The following NUP155 variants were observed in gnomAD, a reference collection of about 807,000 sequenced individuals.
The protein encoded by NUP155 is nucleoporin 155, also known as nuclear pore complex protein Nup155.
NUP155 carries 71 observed loss-of-function variants against 180.4 expected under a neutral mutation model. That is an observed-to-expected ratio of 0.39 (90% CI 0.33 to 0.48). The LOEUF is 0.48. Among genes scored for constraint, NUP155 ranks in the 20% least tolerant of loss-of-function variants. The pLI, the probability that NUP155 is intolerant of heterozygous loss-of-function variation, is 0.91. For synonymous variants in NUP155, 582 were observed against 559.5 expected (o/e 1.04, Z -0.57); for missense variants, 1,553 against 1,648.9 (o/e 0.94, Z 1.01).
At chr5:37,358,251 GGAGGA>G in intron 3 of NUP155, 100 bp from the exon 4 acceptor site, 8 of 833,676 alleles carry the variant, frequency 9.6e-6, no homozygotes, top group Non-Finnish European at 1.4e-5. Flanking sequence ...GTCTGAGGCA[GGAGGA>G]CTGCCTGAGC....
intron 18 of NUP155, 65 bp downstream of exon 18, chr5:37,327,564 A>G: frequency 6.3e-7 from 1 of 1,582,568 alleles, no homozygotes; most frequent in Non-Finnish European, 8.7e-7. Context: ...TTCAGAGTTA[A>G]AAATATTTAA....
intron 4 of NUP155, 88 bp downstream of exon 4, chr5:37,357,993 G>GAA: frequency 1.0e-6 from 1 of 953,824 alleles, no homozygotes; most frequent in South Asian, 1.3e-5. Context: ...ACTCCATCTC[G>GAA]AAAAAAATGT....
chr5:37,300,860 G>A (rs546484948), intron 30 of NUP155, among the ~76,000 whole-genome samples: 3 of 146,952 alleles, frequency 2.0e-5, no homozygotes, highest in Admixed American at 6.9e-5. Context: ...TTGCTCTGTC[G>A]CCCAGGCTCC....
At chr5:37,334,886 G>T (rs1745217997) in intron 12 of NUP155, among the ~76,000 whole-genome samples, 1 of 152,106 alleles carries the variant, frequency 6.6e-6, no homozygotes, top group South Asian at 2.1e-4. Flanking sequence ...CTGGCTCGGC[G>T]AGGTGGCTCA....
At chr5:37,350,875 AC>A (rs1322777019) in intron 6 of NUP155, among the ~76,000 whole-genome samples, 10 of 152,018 alleles carry the variant, frequency 6.6e-5, no homozygotes, top group Admixed American at 6.6e-4. Context: ...CCAAGTGAAA[AC>A]ACATATTTGC....
intron 11 of NUP155, among the ~76,000 whole-genome samples, chr5:37,338,170 T>A (rs1158746529): frequency 6.6e-6 from 1 of 151,260 alleles, no homozygotes; most frequent in African/African-American, 2.4e-5. Flanking sequence ...ATACAAAAAT[T>A]AGCTGGGCAT....
chr5:37,354,830 G>A (rs1581204966), intron 4 of NUP155, among the ~76,000 whole-genome samples: 2 of 151,896 alleles, frequency 1.3e-5, no homozygotes, highest in Non-Finnish European at 2.9e-5. Flanking sequence ...GGTGGCTCAC[G>A]CCTGTAATCT....
chr5:37,301,160 T>C, intron 30 of NUP155: 2 of 364,558 alleles, frequency 5.5e-6, no homozygotes, highest in Non-Finnish European at 5.2e-6. Context: ...GGTTTTGCCA[T>C]GTTGCCCAGG....
rs762488801 is a variant in NUP155, at chr5:37,337,849, A to G, written c.1316T>C (p.Phe439Ser). 8 of 1,612,088 alleles carry G rather than the reference A, an allele frequency of 5.0e-6. No individual in the cohort carries two copies. In the Admixed American group the frequency reaches 5.0e-5, roughly 10 times the overall value. The part of the protein sequence containing the change: ...DILWCVNHDT[F>S]PFQKPMMETQ... Reference sequence around the variant, plus strand: ...TTCCATCATTGGCTTTTGGAAAGGAAAAGTATCATGGTTGACACACCATAA... The same window carrying G: ...TTCCATCATTGGCTTTTGGAAAGGAGAAGTATCATGGTTGACACACCATAA... Residue 439 changes from phenylalanine to serine, a missense_variant, in exon 12 of 35, where the codon TTT (phenylalanine) becomes TCT (serine). Transcript: ENST00000231498.
rs1251217149 is a variant in NUP155, at chr5:37,302,705, GGGAAGAAT to G, written c.3447+66_3447+73del. 44 of 1,484,354 alleles carry G rather than the reference GGGAAGAAT, an allele frequency of 3.0e-5. No homozygotes were observed. The Admixed American group carries it at 7.2e-4, about 24-fold the overall frequency. The allele number at this position is 1,484,354 out of a possible 1,614,324, so 91.9% of individuals were successfully genotyped here. A position where few individuals can be genotyped will look rare whatever the true frequency, so the allele number is the denominator to read the frequency against. ...ACTTCTCAGACCTATTACTTACCAA[GGGAAGAAT>G]GGAATGTGGAATAACTATGTGGCTA... On this transcript the variant is annotated intron_variant, in intron 29 of 34. Coordinates refer to ENST00000231498, the MANE Select transcript of NUP155 (RefSeq NM_153485.3).
chr5:37,343,074 TTTC>T (rs1745843077), intron 9 of NUP155, among the ~76,000 whole-genome samples: 1 of 151,774 alleles, frequency 6.6e-6, no homozygotes, highest in Non-Finnish European at 1.5e-5. Context: ...TTCTTTTTTT[TTTC>T]TTTTTTCTTT....
intron 2 of NUP155, 77 bp from the exon 3 acceptor site, chr5:37,364,061 A>C: frequency 7.9e-7 from 1 of 1,265,454 alleles, no homozygotes; most frequent in Non-Finnish European, 1.2e-6. Context: ...TTTTGACTTA[A>C]TATTTACGTA....
intron 10 of NUP155, 56 bp from the exon 11 acceptor site, chr5:37,341,298 T>C: frequency 6.8e-7 from 1 of 1,474,076 alleles, no homozygotes; most frequent in East Asian, 2.3e-5. Flanking sequence ...CTGAGGTAAA[T>C]GTGTTATTGA....
At chr5:37,358,010 T>A (rs1423039043) in intron 4 of NUP155, 71 bp downstream of exon 4, 3 of 1,055,584 alleles carry the variant, frequency 2.8e-6, no homozygotes, top group Non-Finnish European at 4.5e-6. Flanking sequence ...ATGTGTGTTG[T>A]TGTTCAGGTC....
In NUP155 at chr5:37,310,707, C is replaced by T. The variant is rs768453202; in HGVS notation, c.2473G>A (p.Asp825Asn). Residue 825 changes from aspartate to asparagine, a missense_variant, in exon 23 of 35, where the codon GAT (aspartate) becomes AAT (asparagine). Transcript: ENST00000231498. ...AGTTCTTTGTCCCTGATTACAAGAT[C>T]TTTAAAGGTGGTGATCTTCAGCTGC... ...QEQLKITTFK[D>N]LVIRDKELTG... 3 of 1,613,794 alleles carry T rather than the reference C, an allele frequency of 1.9e-6. No homozygotes were observed. The highest frequency in any genetic ancestry group is 4.5e-5 in the East Asian group (2 of 44,824).
At chr5:37,307,473 T>G (rs1743231438) in intron 24 of NUP155, 41 bp from the exon 25 acceptor site, 2 of 1,599,562 alleles carry the variant, frequency 1.3e-6, no homozygotes, top group Non-Finnish European at 1.7e-6. Context: ...GACTTACTAC[T>G]AAGTTGGATA....
rs974478545 is a variant in NUP155 at position 37,351,076 on chromosome 5, T to C, written c.723+114A>G. The C allele has an allele frequency of 4.6e-6, 4 of 873,810 alleles. No individual in the cohort carries two copies. The South Asian group carries it at 6.3e-5, about 14-fold the overall frequency. 54.1% of individuals were successfully genotyped at this position (873,810 alleles called of 1,614,324 possible). ...CTACAGCTTCAACTGTATGCTTGAATATTTACCATAAAAATATATTAATGT... is the reference window on the plus strand; with the variant it reads ...CTACAGCTTCAACTGTATGCTTGAACATTTACCATAAAAATATATTAATGT... On this transcript the variant is annotated intron_variant, in intron 6 of 34. Coordinates refer to ENST00000231498, the MANE Select transcript of NUP155 (RefSeq NM_153485.3).
Position 37,351,263 on chromosome 5 carries a change from G to C in NUP155, c.650C>G (p.Thr217Arg). 1 of 1,613,256 alleles carries C rather than the reference G, an allele frequency of 6.2e-7. No individual in the cohort carries two copies. The highest frequency in any genetic ancestry group is 8.5e-7 in the Non-Finnish European group (1 of 1,179,378). ...SLPTDNTYLL[T>R]ITSTDNGRIF... ...TCTGCCATTATCAGTGGAAGTTATT[G>C]TTAAAAGGTAAGTATTATCAGTAGG... is the stretch of plus-strand genomic sequence containing the variant. Residue 217 changes from threonine to arginine, a missense_variant, in exon 6 of 35, where the codon ACA (threonine) becomes AGA (arginine). By Grantham distance (71) the Thr-to-Arg change is moderately conservative. Transcript: ENST00000231498.
chr5:37,331,087 T>TAG (rs1464576752), intron 14 of NUP155, among the ~76,000 whole-genome samples: 1 of 150,326 alleles, frequency 6.7e-6, no homozygotes, highest in African/African-American at 2.5e-5. Flanking sequence ...AGGTGGAGCT[T>TAG]AGAGTGAGCC....
Sources: gnomAD v4.1 joint callset for allele counts (sites outside exome capture counted in the v4.1 genomes callset) on GRCh38, gnomAD v4.1.1 for gene constraint, MANE v1.5 for transcripts, NCBI Gene and HGNC (gene_info 2026-07-23, HGNC 2026-07-21) for gene names.